XYLT1: variants seen among roughly 807,000 people sequenced by gnomAD.
XYLT1 encodes xylosyltransferase 1.
In XYLT1, 36 loss-of-function variants were observed where a neutral mutation model predicts 91.3. The observed-to-expected ratio is 0.39, with a 90% CI of 0.30 to 0.52. The LOEUF (loss-of-function observed/expected upper bound fraction) is 0.52. Among genes scored for constraint, XYLT1 ranks in the 20% least tolerant of loss-of-function variants. XYLT1 has a pLI of 0.68. For missense variants in XYLT1, 1,242 were observed against 1,284.5 expected (o/e 0.97, Z 0.51); for synonymous variants, 588 against 532.0 (o/e 1.11, Z -1.45).
chr16:17,301,238 C>T (rs2034390673), intron 2 of XYLT1, among the ~76,000 whole-genome samples: 1 of 152,028 alleles, frequency 6.6e-6, no homozygotes, highest in Non-Finnish European at 1.5e-5. Context: ...TGGTGAAACT[C>T]TGTCTCTACT....
chr16:17,426,813 T>C (rs1010344938), intron 1 of XYLT1, among the ~76,000 whole-genome samples: 5 of 152,112 alleles, frequency 3.3e-5, no homozygotes, highest in African/African-American at 1.2e-4. Flanking sequence ...ACCTCTCATA[T>C]GACTAAGGAG....
At chr16:17,418,044 C>T (rs562456303) in intron 1 of XYLT1, among the ~76,000 whole-genome samples, 5 of 152,334 alleles carry the variant, frequency 3.3e-5, no homozygotes, top group Non-Finnish European at 5.9e-5. Flanking sequence ...TCACAGCCCA[C>T]TCCATATGTG....
chr16:17,342,448 G>A (rs774009208), intron 2 of XYLT1, among the ~76,000 whole-genome samples: 1 of 152,060 alleles, frequency 6.6e-6, no homozygotes, highest in South Asian at 2.1e-4. Context: ...TCGGTTGGGC[G>A]TGGCGGCTCA....
intron 2 of XYLT1, among the ~76,000 whole-genome samples, chr16:17,345,246 C>T (rs1406103197): frequency 2.0e-5 from 3 of 152,230 alleles, no homozygotes; most frequent in African/African-American, 7.2e-5. Flanking sequence ...AAAAAATGTC[C>T]CAGCTTGCTC....
intron 5 of XYLT1, among the ~76,000 whole-genome samples, chr16:17,187,673 T>A (rs1426817529): frequency 6.6e-6 from 1 of 151,954 alleles, no homozygotes; most frequent in Non-Finnish European, 1.5e-5. Context: ...GGGATGGAGT[T>A]TTGGTCTTGT....
chr16:17,454,675 T>C (rs2036712621), intron 1 of XYLT1, among the ~76,000 whole-genome samples: 1 of 152,078 alleles, frequency 6.6e-6, no homozygotes, highest in Admixed American at 6.6e-5. Context: ...TAGCTGGGAT[T>C]ACAGGCATCA....
rs2033685404 is a variant in XYLT1, at chr16:17,259,306, G to C, written c.595C>G (p.Gln199Glu). 3.1e-6 allele frequency: 5 copies of C among 1,614,036 alleles called. No individual in the cohort carries two copies. Among genetic ancestry groups the C allele is most frequent in the Non-Finnish European group, 4.2e-6 (5 of 1,180,044 alleles). Residue 199 changes from glutamine to glutamate, a missense_variant, in exon 3 of 12, where the codon CAG (glutamine) becomes GAG (glutamate). Around this residue, in one of 3 missense-constraint regions of XYLT1, gnomAD observed 437 missense variants for 411.5 expected, o/e 1.06. Coordinates refer to ENST00000261381, the MANE Select transcript of XYLT1 (RefSeq NM_022166.4). The stretch of plus-strand genomic sequence containing the variant: ...GTATGTCCTTTTCCTTTCTCCTGCT[G>C]TTCCAGCTTCCTTTTCAAAAGCTCC... ...QKELLKRKLE[Q>E]QEKGKGHTFP... is the part of the protein sequence containing the mutation.
chr16:17,382,083 C>G (rs1295157360), intron 1 of XYLT1, among the ~76,000 whole-genome samples: 1 of 151,914 alleles, frequency 6.6e-6, no homozygotes, highest in East Asian at 2.0e-4. Flanking sequence ...GTGCCCCCTC[C>G]CTCAATTGTC....
At chr16:17,239,457 C>T (rs1159607316) in intron 3 of XYLT1, among the ~76,000 whole-genome samples, 2 of 150,360 alleles carry the variant, frequency 1.3e-5, no homozygotes, top group Admixed American at 6.6e-5. Context: ...TCCATTCATC[C>T]ATCCATCCAT....
At chr16:17,159,394 C>G (rs981915524) in intron 5 of XYLT1, among the ~76,000 whole-genome samples, 1 of 152,148 alleles carries the variant, frequency 6.6e-6, no homozygotes, top group Non-Finnish European at 1.5e-5. Flanking sequence ...ACCTGCCTCC[C>G]GCTCTCTCCC....
In XYLT1 at chr16:17,462,157, T is replaced by C. The variant is rs115943109; in HGVS notation, c.363+8277A>G. On this transcript the variant is annotated intron_variant, in intron 1 of 11. Coordinates refer to ENST00000261381, the MANE Select transcript of XYLT1 (RefSeq NM_022166.4). ...CTCTTACCACATTACCTCATTAGCA[T>C]CCACTGACACATTAGCCTGGATTAG... Among the ~76,000 whole-genome samples, 449 of 152,314 alleles carry C rather than the reference T, an allele frequency of 2.9e-3. 3 individuals are homozygous for C. Among genetic ancestry groups the C allele is most frequent in the African/African-American group, 9.6e-3 (397 of 41,566 alleles).
At chr16:17,259,561 G>T in intron 2 of XYLT1, 63 bp from the exon 3 acceptor site, 1 of 1,557,360 alleles carries the variant, frequency 6.4e-7, no homozygotes, top group Non-Finnish European at 8.7e-7. Flanking sequence ...AAGCAGACTG[G>T]CCTTTGAAGA....
At chr16:17,110,793 G>A (rs1966839370) in intron 11 of XYLT1, among the ~76,000 whole-genome samples, 1 of 152,144 alleles carries the variant, frequency 6.6e-6, no homozygotes, top group Admixed American at 6.5e-5. Flanking sequence ...TCCAAAGGCA[G>A]TGCTTATCAC....
intron 2 of XYLT1, among the ~76,000 whole-genome samples, chr16:17,280,733 T>A (rs2034044178): frequency 6.6e-6 from 1 of 152,228 alleles, no homozygotes; most frequent in African/African-American, 2.4e-5. Flanking sequence ...ATAGTGTTAT[T>A]TTGTGTATCT....
intron 5 of XYLT1, among the ~76,000 whole-genome samples, chr16:17,183,872 C>G (rs2032122495): frequency 6.6e-6 from 1 of 152,082 alleles, no homozygotes; most frequent in African/African-American, 2.4e-5. Context: ...ATGATCAGAC[C>G]TTAACCCTGT....
Position 17,134,591 on chromosome 16 carries a change from C to T in XYLT1, c.1909G>A (p.Glu637Lys), listed in dbSNP as rs1196007873. The T allele has an allele frequency of 3.1e-6, 5 of 1,614,080 alleles. No homozygotes were observed. The highest frequency in any genetic ancestry group is 1.7e-5 in the Admixed American group (1 of 60,010). The part of the protein sequence containing the change: ...LRSYWENVYD[E>K]PDGIHSLSDV... Reference sequence around the variant, plus strand: ...CTCAGGCTGTGGATGCCGTCAGGCTCATCGTAGACATTCTCCCAGTAGGAG... The same window carrying T: ...CTCAGGCTGTGGATGCCGTCAGGCTTATCGTAGACATTCTCCCAGTAGGAG... The change falls in exon 9 of 12, where the codon GAG becomes AAG. Residue 637 changes from glutamate to lysine, a missense_variant. This residue lies in a region of XYLT1 where 511 missense variants were observed against 497.0 expected (regional missense o/e 1.03). Transcript: ENST00000261381.
At chr16:17,125,894 C>A (rs150755454) in intron 10 of XYLT1, among the ~76,000 whole-genome samples, 4 of 152,218 alleles carry the variant, frequency 2.6e-5, no homozygotes, top group Non-Finnish European at 4.4e-5. Flanking sequence ...AAAGAATGAG[C>A]ATCTTTTATT....
intron 2 of XYLT1, among the ~76,000 whole-genome samples, chr16:17,334,552 G>T (rs1381627613): frequency 6.6e-6 from 1 of 151,940 alleles, no homozygotes; most frequent in Non-Finnish European, 1.5e-5. Flanking sequence ...TATTTGAAAA[G>T]GCCATTTTTC....
intron 1 of XYLT1, among the ~76,000 whole-genome samples, chr16:17,414,197 T>C (rs150266431): frequency 6.6e-6 from 1 of 152,334 alleles, no homozygotes; most frequent in African/African-American, 2.4e-5. Context: ...TTCAAGGGCA[T>C]TGACCTCACT....
Sources: gnomAD v4.1 joint callset for allele counts (sites outside exome capture counted in the v4.1 genomes callset) on GRCh38, gnomAD v4.1.1 for gene constraint, gnomAD v4.1.1 regional missense constraint, MANE v1.5 for transcripts, NCBI Gene and HGNC (gene_info 2026-07-23, HGNC 2026-07-21) for gene names.